The following SLC35A5 variants were observed in gnomAD, a reference collection of about 807,000 sequenced individuals.
SLC35A5 encodes the protein solute carrier family 35 member A5, also known as UDP-sugar transporter protein SLC35A5.
SLC35A5 carries 28 observed loss-of-function variants against 36.3 expected under a neutral mutation model. The observed-to-expected ratio is 0.77, with a 90% CI of 0.57 to 1.06. The LOEUF is 1.06. Among genes scored for constraint, SLC35A5 ranks in the 50% least tolerant of loss-of-function variants. The pLI is 0.00. For missense variants in SLC35A5, 521 were observed against 499.3 expected, an observed-to-expected ratio of 1.04 and a Z score of -0.41; for synonymous variants, 180 against 173.7, an observed-to-expected ratio of 1.04 and a Z score of -0.29.
chr3:112,573,769 T>G, intron 4 of SLC35A5, 120 bp from the exon 5 acceptor site: 2 of 736,610 alleles, frequency 2.7e-6, no homozygotes, highest in East Asian at 2.5e-5. Flanking sequence ...AATTGCTACC[T>G]TAATAACCCC....
In SLC35A5 at chr3:112,570,378, T is replaced by G. The variant is rs1576749471; in HGVS notation, c.230-162T>G. The G allele has an allele frequency of 4.7e-6, 3 of 641,398 alleles. No individual in the cohort carries two copies. In the East Asian group the frequency reaches 9.4e-5, roughly 20 times the overall value. 39.7% of individuals were successfully genotyped at this position (641,398 alleles called of 1,614,324 possible). ...CAGTAGTCCTAAGGTTGTTGCTGAT[T>G]GTCAGTGATGAAACTGGTGGGTTGA... On this transcript the variant is annotated intron_variant, in intron 3 of 6. Coordinates refer to ENST00000492406, the MANE Select transcript of SLC35A5 (RefSeq NM_017945.5).
At chr3:112,569,103 T>C (rs1284646507) in intron 2 of SLC35A5, 68 bp from the exon 3 acceptor site, 3 of 1,258,958 alleles carry the variant, frequency 2.4e-6, no homozygotes, top group African/African-American at 1.5e-5. Flanking sequence ...AAAACAATTA[T>C]GTTATACTGT....
At chr3:112,573,841 G>A (rs1389442500) in intron 4 of SLC35A5, 48 bp from the exon 5 acceptor site, 1 of 1,491,834 alleles carries the variant, frequency 6.7e-7, no homozygotes, top group Admixed American at 1.7e-5. Context: ...ACATTTCTGA[G>A]GTCAGTACTT....
At chr3:112,578,467 CTA>C (rs1461935700) in intron 5 of SLC35A5, among the ~76,000 whole-genome samples, 3 of 152,164 alleles carry the variant, frequency 2.0e-5, no homozygotes, top group Non-Finnish European at 4.4e-5. Flanking sequence ...GCATCCATTA[CTA>C]TGTTTTACCG....
rs1559866248 is a variant in SLC35A5, at chr3:112,582,977, TAAATC to T, written c.*243_*247del. ...AATTCATTAATATCTCAGTACTTGATAAATCAGAAAGTTATATGTGCAGATTATTT... is the reference window on the plus strand; with the variant it reads ...AATTCATTAATATCTCAGTACTTGATAGAAAGTTATATGTGCAGATTATTT... On this transcript the variant is annotated 3_prime_UTR_variant, in exon 7 of 7. Coordinates refer to ENST00000492406, the MANE Select transcript of SLC35A5 (RefSeq NM_017945.5). The T allele has an allele frequency of 6.3e-6, 3 of 475,168 alleles. No individual in the cohort carries two copies. The highest frequency in any genetic ancestry group is 7.4e-6 in the Non-Finnish European group (2 of 270,690). The allele number at this position is 475,168 out of a possible 1,614,324, so 29.4% of individuals were successfully genotyped here. A position where few individuals can be genotyped will look rare whatever the true frequency, so the allele number is the denominator to read the frequency against.
chr3:112,561,739 C>T, upstream of SLC35A5: 1 of 560,306 alleles, frequency 1.8e-6, no homozygotes, highest in East Asian at 3.3e-5. Context: ...GCGCGATCCT[C>T]GCACCCCAGG....
At chr3:112,570,444 C>T in intron 3 of SLC35A5, 96 bp from the exon 4 acceptor site, 2 of 1,357,636 alleles carry the variant, frequency 1.5e-6, no homozygotes, top group South Asian at 3.0e-5. Flanking sequence ...TATAAAGCTC[C>T]CTTTAAAGAA....
In SLC35A5 at chr3:112,573,966, T is replaced by C. The variant is rs1462044443; in HGVS notation, c.428+10T>C. 12 of 1,606,340 alleles carry C rather than the reference T, an allele frequency of 7.5e-6. No individual in the cohort carries two copies. Among genetic ancestry groups the C allele is most frequent in the Non-Finnish European group, 9.4e-6 (11 of 1,173,262 alleles). ...TCAGGATAGTGCTGAAGTAAGTAAC[T>C]TGCTGTGAAAACATATATCATACTT... is the stretch of plus-strand genomic sequence containing the variant. On this transcript the variant is annotated intron_variant, in intron 5 of 6. Coordinates refer to ENST00000492406, the MANE Select transcript of SLC35A5 (RefSeq NM_017945.5).
chr3:112,583,696 C>T lies in SLC35A5; in HGVS notation c.*960C>T, dbSNP rs1024696759. The T allele has an allele frequency of 2.0e-5, 3 of 152,106 alleles. No individual in the cohort carries two copies. The highest frequency in any genetic ancestry group is 4.4e-5 in the Non-Finnish European group (3 of 68,012). The allele number at this position is 152,106 out of a possible 1,614,324, so 9.4% of individuals were successfully genotyped here. On this transcript the variant is annotated 3_prime_UTR_variant, in exon 7 of 7. Coordinates refer to ENST00000492406, the MANE Select transcript of SLC35A5 (RefSeq NM_017945.5). ...TTTCAAAAGGATCACTTAGCAAACA[C>T]ATGTTGACTTTTAACTGATGTATGA...
At chr3:112,574,023 AC>A in intron 5 of SLC35A5, 67 bp downstream of exon 5, 1 of 1,333,554 alleles carries the variant, frequency 7.5e-7, no homozygotes, top group Non-Finnish European at 1.1e-6. Context: ...CAAATGATAT[AC>A]CCAGAACACT....
rs1576736911 is a variant in SLC35A5 at position 112,562,275 on chromosome 3, T to G, written c.-20+2T>G. ...CCACTAGAAGCTCTTCTGAGGGAGG[T>G]AACCGCGCCCCGCGGGCAAGGAATT... is the stretch of plus-strand genomic sequence containing the variant. On this transcript the variant is annotated splice_donor_variant, in intron 1 of 6. Coordinates refer to ENST00000492406, the MANE Select transcript of SLC35A5 (RefSeq NM_017945.5). LOFTEE classifies it low-confidence loss of function (5UTR_SPLICE). 1 of 152,484 alleles carries G rather than the reference T, an allele frequency of 6.6e-6. No individual in the cohort carries two copies. Among genetic ancestry groups the G allele is most frequent in the African/African-American group, 2.4e-5 (1 of 41,442 alleles). The allele number at this position is 152,484 out of a possible 1,614,324, so 9.4% of individuals were successfully genotyped here. A position where few individuals can be genotyped will look rare whatever the true frequency, so the allele number is the denominator to read the frequency against.
At chr3:112,567,089 G>A (rs1387884466) in intron 2 of SLC35A5, among the ~76,000 whole-genome samples, 1 of 151,974 alleles carries the variant, frequency 6.6e-6, no homozygotes, top group African/African-American at 2.4e-5. Context: ...AGCCGGGCGT[G>A]GTGGCGGGCA....
intron 2 of SLC35A5, among the ~76,000 whole-genome samples, chr3:112,565,087 C>G (rs1042232728): frequency 6.6e-6 from 1 of 152,216 alleles, no homozygotes; most frequent in African/African-American, 2.4e-5. Context: ...CAAGTCTCTA[C>G]TGCAGTTAAC....
At position 112,570,506 on chromosome 3, in the gene SLC35A5, C is replaced by T. The variant is rs1031367567; in HGVS notation, c.230-34C>T. 1.9e-6 allele frequency: 3 copies of T among 1,581,922 alleles called. No homozygotes were observed. In the African/African-American group the frequency reaches 4.1e-5, roughly 22 times the overall value. On this transcript the variant is annotated intron_variant, in intron 3 of 6. Coordinates refer to ENST00000492406, the MANE Select transcript of SLC35A5 (RefSeq NM_017945.5). ...ATTTCTCTAAAAATGTGGGCATTCT[C>T]ATCAAGGTCATTTACACCGTGTTTC...
Position 112,563,359 on chromosome 3 carries a change from T to C in SLC35A5, c.-19-26T>C. 3 of 1,420,658 alleles carry C rather than the reference T, an allele frequency of 2.1e-6. No homozygotes were observed. In the South Asian group the frequency reaches 5.1e-5, roughly 24 times the overall value. 88.0% of individuals were successfully genotyped at this position (1,420,658 alleles called of 1,614,324 possible). A position where few individuals can be genotyped will look rare whatever the true frequency, so the allele number is the denominator to read the frequency against. On this transcript the variant is annotated intron_variant, in intron 1 of 6. Coordinates refer to ENST00000492406, the MANE Select transcript of SLC35A5 (RefSeq NM_017945.5). ...CGTTTAGGGTCTGCCAACAAGGTCG[T>C]TCATGAAAGTGTTTTTCTCTTTAAG... is the stretch of plus-strand genomic sequence containing the variant.
intron 4 of SLC35A5, among the ~76,000 whole-genome samples, chr3:112,572,867 G>A (rs1212160475): frequency 6.6e-6 from 1 of 152,138 alleles, no homozygotes; most frequent in African/African-American, 2.4e-5. Context: ...ATTGATCAAG[G>A]CCACTATTTC....
chr3:112,561,408 A>G (rs771727601), upstream of SLC35A5: 2 of 1,588,696 alleles, frequency 1.3e-6, no homozygotes, highest in Non-Finnish European at 1.7e-6. Context: ...TGGTCCCTGA[A>G]AAGTCGAGCA....
chr3:112,583,090 A>G lies in SLC35A5; in HGVS notation c.*354A>G. The G allele has an allele frequency of 5.0e-6, 2 of 400,898 alleles. No individual in the cohort carries two copies. The highest frequency in any genetic ancestry group is 8.8e-6 in the Non-Finnish European group (2 of 227,598). The allele number at this position is 400,898 out of a possible 1,614,324, so 24.8% of individuals were successfully genotyped here. ...TATACACATAGAGATCAATTTGCCAAATATTCACAATCATGTAGTTCTAGT... is the reference window on the plus strand; with the variant it reads ...TATACACATAGAGATCAATTTGCCAGATATTCACAATCATGTAGTTCTAGT... On this transcript the variant is annotated 3_prime_UTR_variant, in exon 7 of 7. Transcript: ENST00000492406.
At chr3:112,568,187 T>A (rs1197500155) in intron 2 of SLC35A5, among the ~76,000 whole-genome samples, 1 of 152,172 alleles carries the variant, frequency 6.6e-6, no homozygotes, top group Non-Finnish European at 1.5e-5. Flanking sequence ...AGAACAGAGA[T>A]GAATAAAGAA....
Sources: gnomAD v4.1 joint callset for allele counts (sites outside exome capture counted in the v4.1 genomes callset) on GRCh38, gnomAD v4.1.1 for gene constraint, MANE v1.5 for transcripts, NCBI Gene and HGNC (gene_info 2026-07-23, HGNC 2026-07-21) for gene names.